Variants in MARCHF1 observed in about 807,000 individuals in gnomAD.
The protein encoded by MARCHF1 is E3 ubiquitin-protein ligase MARCHF1.
Under a neutral mutation model 54.2 loss-of-function variants are expected in MARCHF1, and 40 were observed. The ratio of observed to expected loss-of-function variants is 0.74; its 90% CI spans 0.57 to 0.96. The LOEUF is 0.96. Ranked by LOEUF, MARCHF1 falls within the 40% of genes least tolerant of loss-of-function variation. The probability of loss-of-function intolerance (pLI) is 0.00; values close to 1 mark genes in which losing one functional copy is unlikely to be tolerated. For missense variants in MARCHF1, 586 were observed against 656.5 expected (o/e 0.89, Z 1.17); for synonymous variants, 236 against 236.3 (o/e 1.00, Z 0.01).
chr4:164,360,104 T>C (rs1055731217), intron 1 of MARCHF1, among the ~76,000 whole-genome samples: 2 of 152,132 alleles, frequency 1.3e-5, no homozygotes, highest in Admixed American at 6.5e-5. Context: ...TTCATTGTCC[T>C]TGTGTAATCG....
intron 1 of MARCHF1, among the ~76,000 whole-genome samples, chr4:164,289,718 G>C (rs902707372): frequency 6.6e-6 from 1 of 151,642 alleles, no homozygotes; most frequent in Non-Finnish European, 1.5e-5. Flanking sequence ...GAGTATACAA[G>C]TCTCTAGTCT....
intron 3 of MARCHF1, among the ~76,000 whole-genome samples, chr4:163,897,287 C>T (rs756960836): frequency 1.3e-5 from 2 of 152,150 alleles, no homozygotes; most frequent in Non-Finnish European, 2.9e-5. Flanking sequence ...ACTTACTGAA[C>T]CCATCATCTT....
intron 3 of MARCHF1, among the ~76,000 whole-genome samples, chr4:163,914,841 A>C (rs1242508280): frequency 6.6e-6 from 1 of 152,190 alleles, no homozygotes; most frequent in Non-Finnish European, 1.5e-5. Flanking sequence ...CTGGAGATTG[A>C]ATGTACACTA....
chr4:163,650,692 A>G (rs1406132138), intron 5 of MARCHF1, among the ~76,000 whole-genome samples: 2 of 152,004 alleles, frequency 1.3e-5, no homozygotes, highest in Non-Finnish European at 2.9e-5. Flanking sequence ...ACAGATATCT[A>G]AAAAATTTCA....
At chr4:163,946,377 T>C (rs1036522448) in intron 3 of MARCHF1, among the ~76,000 whole-genome samples, 1 of 152,118 alleles carries the variant, frequency 6.6e-6, no homozygotes, top group Non-Finnish European at 1.5e-5. Flanking sequence ...CCTTCCAAAA[T>C]AGATCCCATA....
chr4:164,199,665 CACACACACACACACACAGAGAGAG>C (rs776416065), intron 1 of MARCHF1, among the ~76,000 whole-genome samples: 51 of 84,064 alleles, frequency 6.1e-4, no homozygotes, highest in Non-Finnish European at 8.6e-4. Flanking sequence ...CACACACACA[CACACACACACACACACAGAGAGAG>C]AGAGAGAGAG....
At chr4:163,794,811 T>A (rs994943106) in intron 4 of MARCHF1, among the ~76,000 whole-genome samples, 1 of 152,130 alleles carries the variant, frequency 6.6e-6, no homozygotes, top group Non-Finnish European at 1.5e-5. Context: ...CTTTAAAAAA[T>A]TTTATTTTGA....
rs183929376 is a variant in MARCHF1, at chr4:163,638,784, T to C, written c.163-25391A>G. Among the ~76,000 whole-genome samples the C allele has an allele frequency of 4.2e-3, 644 of 152,280 alleles. 6 individuals are homozygous for C. The highest frequency in any genetic ancestry group is 0.014 in the African/African-American group (598 of 41,572). On this transcript the variant is annotated intron_variant, in intron 5 of 9. Transcript: ENST00000514618. ...AACCCATTGTCCATCGATGGATGAA[T>C]GGATAAACAAAATAAGGTATGTATA...
At chr4:163,607,724 A>T (rs1183597310) in intron 7 of MARCHF1, among the ~76,000 whole-genome samples, 1 of 152,122 alleles carries the variant, frequency 6.6e-6, no homozygotes, top group Non-Finnish European at 1.5e-5. Flanking sequence ...TCCTATCTAA[A>T]GCATGGGAAC....
intron 1 of MARCHF1, among the ~76,000 whole-genome samples, chr4:164,368,095 AT>A (rs1270290046): frequency 2.0e-5 from 3 of 151,564 alleles, no homozygotes; most frequent in Admixed American, 2.0e-4. Context: ...AAATAGAAAA[AT>A]ATCACTGAAT....
chr4:163,945,444 T>C (rs998432849), intron 3 of MARCHF1, among the ~76,000 whole-genome samples: 3 of 152,220 alleles, frequency 2.0e-5, no homozygotes, highest in African/African-American at 7.2e-5. Context: ...TAGAGTAATT[T>C]TGAAATGGTA....
intron 4 of MARCHF1, among the ~76,000 whole-genome samples, chr4:163,736,735 C>T (rs1354691821): frequency 1.3e-5 from 2 of 152,018 alleles, no homozygotes; most frequent in Non-Finnish European, 2.9e-5. Flanking sequence ...AATTGTATCA[C>T]GTCTAAGAAA....
At chr4:164,293,639 G>A (rs1162540112) in intron 1 of MARCHF1, among the ~76,000 whole-genome samples, 1 of 152,174 alleles carries the variant, frequency 6.6e-6, no homozygotes, top group Non-Finnish European at 1.5e-5. Flanking sequence ...TACTATGCAT[G>A]TAATAAATTT....
intron 1 of MARCHF1, among the ~76,000 whole-genome samples, chr4:164,274,412 T>C (rs975894859): frequency 9.9e-5 from 15 of 152,236 alleles, no homozygotes; most frequent in Admixed American, 2.0e-4. Context: ...CAGTTCTTCA[T>C]TGAATCCTGG....
chr4:163,933,779 G>A lies in MARCHF1; in HGVS notation c.-39+54722C>T, dbSNP rs540155115. Among the ~76,000 whole-genome samples, 6 of 152,318 alleles carry A rather than the reference G, an allele frequency of 3.9e-5. No individual in the cohort carries two copies. The South Asian group carries it at 6.2e-4, about 16-fold the overall frequency. On this transcript the variant is annotated intron_variant, in intron 3 of 9. Transcript: ENST00000514618. The stretch of plus-strand genomic sequence containing the variant: ...AAAGCCCTTGCCATTTCTGGCTGGA[G>A]GTCACAAATTGAAATGCCTCCTGTA...
chr4:163,922,670 T>C (rs1751457180), intron 3 of MARCHF1, among the ~76,000 whole-genome samples: 2 of 152,198 alleles, frequency 1.3e-5, no homozygotes, highest in Admixed American at 1.3e-4. Flanking sequence ...GTCTATCTAA[T>C]GTATTTTCAT....
chr4:163,670,554 TTTCTTGCTTGCC>T (rs1743701738), intron 5 of MARCHF1, among the ~76,000 whole-genome samples: 1 of 152,086 alleles, frequency 6.6e-6, no homozygotes, highest in Non-Finnish European at 1.5e-5. Context: ...TGTTTTTTTC[TTTCTTGCTTGCC>T]TTCTTGCTTT....
At chr4:164,328,428 G>A (rs75308998) in intron 1 of MARCHF1, among the ~76,000 whole-genome samples, 18,877 of 152,048 alleles carry the variant, frequency 0.12, 1,936 homozygotes, top group East Asian at 0.43. Flanking sequence ...ACTGTGTTTC[G>A]GTGTCAGTAT....
In MARCHF1 at chr4:163,851,999, A is replaced by G. The variant is rs184325165; in HGVS notation, c.111+2022T>C. Among the ~76,000 whole-genome samples, 6 of 152,354 alleles carry G rather than the reference A, an allele frequency of 3.9e-5. No individual in the cohort carries two copies. In the East Asian group the frequency reaches 1.2e-3, roughly 29 times the overall value. On this transcript the variant is annotated intron_variant, in intron 4 of 9. Transcript: ENST00000514618. ...AACTGAGATTTGGGGGTTTTATGTTAAAGTGTATAGAGGTTATCCCTGTAA... is the reference window on the plus strand; with the variant it reads ...AACTGAGATTTGGGGGTTTTATGTTGAAGTGTATAGAGGTTATCCCTGTAA...
Sources: gnomAD v4.1 joint callset for allele counts (sites outside exome capture counted in the v4.1 genomes callset) on GRCh38, gnomAD v4.1.1 for gene constraint, MANE v1.5 for transcripts, NCBI Gene and HGNC (gene_info 2026-07-23, HGNC 2026-07-21) for gene names.